PCDHGB5: variants seen among roughly 807,000 people sequenced by gnomAD.
PCDHGB5 encodes protocadherin gamma subfamily B, 5, also known as protocadherin gamma-B5.
PCDHGB5 carries 48 observed loss-of-function variants against 62.9 expected under a neutral mutation model. The ratio of observed to expected loss-of-function variants is 0.76; its 90% CI spans 0.61 to 0.97. The LOEUF is 0.97. PCDHGB5 is among the 50% of genes least tolerant of loss of function. The pLI is 0.00. For synonymous variants in PCDHGB5, 474 were observed against 511.2 expected, an observed-to-expected ratio of 0.93 and a Z score of 0.98; for missense variants, 1,118 against 1,198.6, an observed-to-expected ratio of 0.93 and a Z score of 0.99.
intron 2 of PCDHGB5, among the ~76,000 whole-genome samples, chr5:141,499,780 G>A (rs776654854): frequency 1.4e-5 from 2 of 145,766 alleles, no homozygotes; most frequent in Non-Finnish European, 3.0e-5. Flanking sequence ...TTCGCCTCCC[G>A]GGTTCAAGCA....
At chr5:141,441,730 A>T in intron 1 of PCDHGB5, 1 of 362,750 alleles carries the variant, frequency 2.8e-6, no homozygotes, top group South Asian at 2.2e-5. Context: ...CGCGACCAGG[A>T]CTAGCTCGCG....
At chr5:141,472,786 G>A (rs549389294) in intron 1 of PCDHGB5, among the ~76,000 whole-genome samples, 1 of 151,888 alleles carries the variant, frequency 6.6e-6, no homozygotes, top group Non-Finnish European at 1.5e-5. Flanking sequence ...GGGAGTTCAA[G>A]ATCAGCCTGA....
chr5:141,492,962 C>T (rs1197532146), intron 1 of PCDHGB5, among the ~76,000 whole-genome samples: 2 of 152,258 alleles, frequency 1.3e-5, no homozygotes, highest in Non-Finnish European at 2.9e-5. Context: ...CTATCTGACA[C>T]TCTAACAAGT....
intron 1 of PCDHGB5, chr5:141,403,871 C>T: frequency 1.2e-6 from 2 of 1,613,602 alleles, no homozygotes; most frequent in Admixed American, 1.7e-5. Flanking sequence ...AGCAAAAAGT[C>T]TAGATTATGA....
chr5:141,410,849 C>CTTTTTTTTCTTTTT (rs2095433387), intron 1 of PCDHGB5: 1 of 129,786 alleles, frequency 7.7e-6, no homozygotes, highest in African/African-American at 6.0e-5. Flanking sequence ...TTGTCTTTGT[C>CTTTTTTTTCTTTTT]TTTTTTTTTT....
intron 1 of PCDHGB5, among the ~76,000 whole-genome samples, chr5:141,480,866 G>A (rs1329444129): frequency 6.6e-6 from 1 of 152,142 alleles, no homozygotes; most frequent in Non-Finnish European, 1.5e-5. Flanking sequence ...CCAATATGGT[G>A]AAACCCCGTC....
chr5:141,488,548 T>C (rs112676623), intron 1 of PCDHGB5, among the ~76,000 whole-genome samples: 2 of 152,318 alleles, frequency 1.3e-5, no homozygotes, highest in African/African-American at 4.8e-5. Flanking sequence ...CCATGTCAGC[T>C]GACATTGAGA....
At chr5:141,470,825 C>G (rs557419577) in intron 1 of PCDHGB5, among the ~76,000 whole-genome samples, 24 of 152,182 alleles carry the variant, frequency 1.6e-4, no homozygotes, top group African/African-American at 4.1e-4. Context: ...GTAGTTAGGA[C>G]GACAAACACA....
intron 2 of PCDHGB5, among the ~76,000 whole-genome samples, chr5:141,503,351 C>T (rs1186394919): frequency 6.6e-6 from 1 of 151,994 alleles, no homozygotes; most frequent in Admixed American, 6.6e-5. Context: ...AATTCCAGCA[C>T]TTTGGGAAGC....
chr5:141,444,282 C>T (rs1341316344), intron 1 of PCDHGB5, among the ~76,000 whole-genome samples: 1 of 148,268 alleles, frequency 6.7e-6, no homozygotes, highest in African/African-American at 2.5e-5. Flanking sequence ...AGTGATTCTC[C>T]TGCCTCAGCC....
At chr5:141,443,604 G>A (rs1561911807) in intron 1 of PCDHGB5, among the ~76,000 whole-genome samples, 1 of 152,194 alleles carries the variant, frequency 6.6e-6, no homozygotes, top group Non-Finnish European at 1.5e-5. Context: ...TATATGAAAT[G>A]TTCTTATAAT....
At chr5:141,414,225 G>A in intron 1 of PCDHGB5, 1 of 1,613,398 alleles carries the variant, frequency 6.2e-7, no homozygotes, top group Non-Finnish European at 8.5e-7. Context: ...ACAGTCCAGA[G>A]CTGACCATCA....
chr5:141,464,769 T>C (rs2154568595), intron 1 of PCDHGB5, among the ~76,000 whole-genome samples: 1 of 152,328 alleles, frequency 6.6e-6, no homozygotes. Flanking sequence ...ACAGGAATCT[T>C]GTTCTGTTGC....
Position 141,491,197 on chromosome 5 carries a change from G to A in PCDHGB5, c.2398-3610G>A. Reference sequence around the variant, plus strand: ...GGTGGTCCTGGTGAGGGACAATGGTGACCCTTCACTCTCCTCCACAGCCAC... The same window carrying A: ...GGTGGTCCTGGTGAGGGACAATGGTAACCCTTCACTCTCCTCCACAGCCAC... On this transcript the variant is annotated intron_variant, in intron 1 of 3. Coordinates refer to ENST00000617380, the MANE Select transcript of PCDHGB5 (RefSeq NM_018925.3). The surrounding 1 kb of genome is among the most constrained non-coding windows in gnomAD (Gnocchi z 6.9). 6.2e-7 allele frequency: 1 copy of A among 1,614,190 alleles called. No individual in the cohort carries two copies. The highest frequency in any genetic ancestry group is 8.5e-7 in the Non-Finnish European group (1 of 1,180,024).
At chr5:141,405,363 C>A (rs765508317) in intron 1 of PCDHGB5, 3 of 1,613,808 alleles carry the variant, frequency 1.9e-6, no homozygotes, top group South Asian at 1.1e-5. Context: ...ATAGAAGACA[C>A]CCCTTTGGTT....
At chr5:141,426,407 C>T (rs974898367) in intron 1 of PCDHGB5, 5 of 257,632 alleles carry the variant, frequency 1.9e-5, no homozygotes, top group African/African-American at 6.6e-5. Context: ...CCAGAAGAAA[C>T]GGTCCAGGGC....
At chr5:141,433,853 A>G (rs934981508) in intron 1 of PCDHGB5, among the ~76,000 whole-genome samples, 1 of 152,026 alleles carries the variant, frequency 6.6e-6, no homozygotes, top group Non-Finnish European at 1.5e-5. Flanking sequence ...AAAAAAAAAA[A>G]AACTTTATCC....
rs1191904235 is a variant in PCDHGB5, at chr5:141,399,612, G to A, written c.1485G>A (p.Leu495=). Residue 495 remains leucine, a synonymous_variant, in exon 1 of 4, where the codon CTG becomes CTA. Transcript: ENST00000617380. The stretch of plus-strand genomic sequence containing the variant: ...TCATGGCCAGCGACCTAGAGCCTCT[G>A]GCACTGGCCTCTTACGTGTCCATGA... ...YSIMASDLEP[L]ALASYVSMSA... is the part of the protein sequence containing the mutation. The A allele has an allele frequency of 6.2e-7, 1 of 1,613,812 alleles. No homozygotes were observed. The highest frequency in any genetic ancestry group is 1.3e-5 in the African/African-American group (1 of 74,958).
At chr5:141,446,767 G>T (rs891355909) in intron 1 of PCDHGB5, among the ~76,000 whole-genome samples, 1 of 152,118 alleles carries the variant, frequency 6.6e-6, no homozygotes, top group African/African-American at 2.4e-5. Flanking sequence ...GCGCCCAGCC[G>T]GTTACCATTC....
Sources: gnomAD v4.1 joint callset for allele counts (sites outside exome capture counted in the v4.1 genomes callset) on GRCh38, gnomAD v4.1.1 for gene constraint, Gnocchi (gnomAD v3.1) non-coding constraint, MANE v1.5 for transcripts, NCBI Gene and HGNC (gene_info 2026-07-23, HGNC 2026-07-21) for gene names.